SOX5: variants seen among roughly 807,000 people sequenced by gnomAD.
The protein encoded by SOX5 is transcription factor SOX-5.
A neutral mutation model predicts 92.0 loss-of-function variants in SOX5; 9 were observed. That is an observed-to-expected ratio of 0.10 (90% confidence interval 0.06 to 0.17). The LOEUF is 0.17. Among genes scored for constraint, SOX5 ranks in the 10% least tolerant of loss-of-function variants. SOX5 has a pLI of 1.00. For missense variants in SOX5, 642 were observed against 944.5 expected (o/e 0.68, Z 4.20); for synonymous variants, 344 against 336.3 (o/e 1.02, Z -0.25).
intron 2 of SOX5, among the ~76,000 whole-genome samples, chr12:24,317,793 C>A (rs559175842): frequency 6.6e-6 from 1 of 152,308 alleles, no homozygotes; most frequent in Admixed American, 6.5e-5. Context: ...ATCACTTAAC[C>A]TACACTCTTT....
intron 1 of SOX5, among the ~76,000 whole-genome samples, chr12:24,401,049 T>C (rs1002422027): frequency 6.6e-6 from 1 of 152,146 alleles, no homozygotes; most frequent in African/African-American, 2.4e-5. Flanking sequence ...ACCTGACTCA[T>C]AGTGTAAAAA....
chr12:23,885,256 T>C (rs2097051075), intron 2 of SOX5, among the ~76,000 whole-genome samples: 1 of 152,216 alleles, frequency 6.6e-6, no homozygotes, highest in Admixed American at 6.5e-5. Flanking sequence ...TTATTTTTCT[T>C]ATACTAACAA....
At chr12:23,951,368 T>C (rs1242375821), upstream of SOX5, among the ~76,000 whole-genome samples, 1 of 151,930 alleles carries the variant, frequency 6.6e-6, no homozygotes, top group Non-Finnish European at 1.5e-5. Flanking sequence ...CCAATTCCTT[T>C]TATTTTGCAG....
chr12:23,844,345 C>T (rs530400615), intron 3 of SOX5, among the ~76,000 whole-genome samples: 15 of 152,208 alleles, frequency 9.9e-5, no homozygotes, highest in Non-Finnish European at 1.9e-4. Flanking sequence ...TAAGTGGATC[C>T]ATTGTAAGTT....
intron 4 of SOX5, among the ~76,000 whole-genome samples, chr12:23,963,907 G>C (rs1947255271): frequency 6.6e-6 from 1 of 151,746 alleles, no homozygotes. Flanking sequence ...GTTATAACTA[G>C]TTAATAAAAC....
chr12:24,129,872 T>C (rs576987694), intron 4 of SOX5, among the ~76,000 whole-genome samples: 2 of 152,242 alleles, frequency 1.3e-5, no homozygotes, highest in African/African-American at 2.4e-5. Flanking sequence ...TTTTAGGTTT[T>C]TGTCCATTTG....
At chr12:24,055,507 G>A (rs1040682720) in intron 4 of SOX5, among the ~76,000 whole-genome samples, 44 of 152,202 alleles carry the variant, frequency 2.9e-4, no homozygotes, top group African/African-American at 9.7e-4. Context: ...CACCCTGAGT[G>A]GTATAGACCC....
chr12:23,875,825 T>A (rs7316117), intron 2 of SOX5, among the ~76,000 whole-genome samples: 103,359 of 152,130 alleles, frequency 0.68, 35,257 homozygotes, highest in East Asian at 0.89. Flanking sequence ...AGATTTCCCC[T>A]TCAGGCAGTG....
intron 4 of SOX5, among the ~76,000 whole-genome samples, chr12:24,079,796 CTTTT>C (rs1381311823): frequency 6.6e-6 from 1 of 151,830 alleles, no homozygotes; most frequent in East Asian, 1.9e-4. Context: ...GTCAACTCTT[CTTTT>C]TGAGATACCT....
At chr12:24,098,536 CG>C (rs1231691510) in intron 4 of SOX5, among the ~76,000 whole-genome samples, 1 of 152,108 alleles carries the variant, frequency 6.6e-6, no homozygotes, top group Non-Finnish European at 1.5e-5. Flanking sequence ...GTTTAGAGAA[CG>C]GTCCAATGCA....
intron 2 of SOX5, among the ~76,000 whole-genome samples, chr12:23,861,258 T>A (rs1299596845): frequency 6.6e-6 from 1 of 152,104 alleles, no homozygotes; most frequent in Non-Finnish European, 1.5e-5. Context: ...AATGTTAGAA[T>A]AAAGGGAGAA....
chr12:23,984,115 T>C (rs1280509313), intron 4 of SOX5, among the ~76,000 whole-genome samples: 1 of 152,176 alleles, frequency 6.6e-6, no homozygotes, highest in Non-Finnish European at 1.5e-5. Context: ...CCCTGGTTCA[T>C]TTATTTAGTA....
intron 4 of SOX5, among the ~76,000 whole-genome samples, chr12:24,032,480 A>G (rs1361380427): frequency 6.6e-6 from 1 of 151,916 alleles, no homozygotes; most frequent in African/African-American, 2.4e-5. Flanking sequence ...ATAAAAATTT[A>G]TCATCAAATA....
chr12:23,951,729 CAT>C (rs1353706915), upstream of SOX5, among the ~76,000 whole-genome samples: 7 of 151,924 alleles, frequency 4.6e-5, no homozygotes, highest in Non-Finnish European at 7.4e-5. Flanking sequence ...ACTAACAAAA[CAT>C]AGAACTATGA....
intron 1 of SOX5, among the ~76,000 whole-genome samples, chr12:24,472,157 A>G (rs1214129935): frequency 1.3e-5 from 2 of 152,240 alleles, no homozygotes; most frequent in African/African-American, 2.4e-5. Flanking sequence ...CATGCACAAG[A>G]AAGATCAGAC....
intron 4 of SOX5, among the ~76,000 whole-genome samples, chr12:24,201,757 A>G (rs921559745): frequency 6.6e-6 from 1 of 152,168 alleles, no homozygotes; most frequent in Non-Finnish European, 1.5e-5. Context: ...GTCATCAGAC[A>G]TTGTTTTTAA....
intron 6 of SOX5, among the ~76,000 whole-genome samples, chr12:23,726,407 G>C (rs1411138111): frequency 6.6e-6 from 1 of 152,034 alleles, no homozygotes; most frequent in Non-Finnish European, 1.5e-5. Flanking sequence ...TCTTTTCAAA[G>C]ACAGGAGGTA....
intron 8 of SOX5, among the ~76,000 whole-genome samples, chr12:23,623,862 A>T (rs1566457187): frequency 6.6e-6 from 1 of 152,128 alleles, no homozygotes; most frequent in Non-Finnish European, 1.5e-5. Context: ...TGAAAGCAGG[A>T]TCTAGAAGAG....
chr12:24,461,075 T>C (rs1726241449), intron 1 of SOX5, among the ~76,000 whole-genome samples: 1 of 152,236 alleles, frequency 6.6e-6, no homozygotes, highest in Non-Finnish European at 1.5e-5. Flanking sequence ...TATGTATGTT[T>C]GGCCTGAGAT....
Sources: gnomAD v4.1 joint callset for allele counts (sites outside exome capture counted in the v4.1 genomes callset) on GRCh38, gnomAD v4.1.1 for gene constraint, MANE v1.5 for transcripts, NCBI Gene and HGNC (gene_info 2026-07-23, HGNC 2026-07-21) for gene names.